The following RAPGEF5 variants were observed in gnomAD, a reference collection of about 807,000 sequenced individuals.
RAPGEF5 encodes Rap guanine nucleotide exchange factor 5.
Under a neutral mutation model 125.2 loss-of-function variants are expected in RAPGEF5, and 65 were observed. The observed-to-expected ratio is 0.52, with a 90% CI of 0.43 to 0.64. The LOEUF is 0.64. Ranked by LOEUF, RAPGEF5 falls within the 30% of genes least tolerant of loss-of-function variation. RAPGEF5 has a pLI of 0.00. For missense variants in RAPGEF5, 958 were observed against 1,048.1 expected, an observed-to-expected ratio of 0.91 and a Z score of 1.19; for synonymous variants, 391 against 385.9, an observed-to-expected ratio of 1.01 and a Z score of -0.16.
At chr7:22,242,895 C>A (rs1786372166) in intron 7 of RAPGEF5, among the ~76,000 whole-genome samples, 1 of 137,812 alleles carries the variant, frequency 7.3e-6, no homozygotes, top group African/African-American at 2.7e-5. Flanking sequence ...TGCGGTGAGC[C>A]AAGATCACGC....
chr7:22,197,892 T>TTGGG (rs1562757040), intron 9 of RAPGEF5, among the ~76,000 whole-genome samples: 2 of 17,744 alleles, frequency 1.1e-4, no homozygotes, highest in African/African-American at 7.2e-4. Flanking sequence ...TTCTTTTTTT[T>TTGGG]TGGGGGGGGG....
At chr7:22,246,520 G>A (rs1437124151) in intron 7 of RAPGEF5, among the ~76,000 whole-genome samples, 1 of 152,206 alleles carries the variant, frequency 6.6e-6, no homozygotes, top group East Asian at 1.9e-4. Flanking sequence ...TAACTGCCTA[G>A]CCAATATACA....
At chr7:22,131,850 G>C (rs1157677776) in intron 23 of RAPGEF5, among the ~76,000 whole-genome samples, 1 of 152,140 alleles carries the variant, frequency 6.6e-6, no homozygotes, top group Admixed American at 6.5e-5. Context: ...GCCTCCTCAA[G>C]ACATATAGAT....
chr7:22,247,303 C>T, intron 7 of RAPGEF5, among the ~76,000 whole-genome samples: 1 of 152,156 alleles, frequency 6.6e-6, no homozygotes, highest in East Asian at 1.9e-4. Flanking sequence ...GCAGTATTCA[C>T]AATAGCAAAG....
rs369807939 is a variant in RAPGEF5, at chr7:22,146,933, C to T, written c.1971G>A (p.Met657Ile). 30 of 1,613,548 alleles carry T rather than the reference C, an allele frequency of 1.9e-5. No individual in the cohort carries two copies. The highest frequency in any genetic ancestry group is 2.5e-5 in the Non-Finnish European group (29 of 1,179,746). Residue 657 changes from methionine to isoleucine, a missense_variant, in exon 19 of 26, where the codon ATG becomes ATA. Transcript: ENST00000665637. ...AATTGAATAGACTCCAATCAAAATTCATTAATTCCAGAGCAAGATCCCAAG... is the reference window on the plus strand; with the variant it reads ...AATTGAATAGACTCCAATCAAAATTTATTAATTCCAGAGCAAGATCCCAAG... ...MNTWDLALEL[M>I]NFDWSLFNSI...
chr7:22,280,190 T>A (rs372376859), intron 6 of RAPGEF5, among the ~76,000 whole-genome samples: 39 of 152,082 alleles, frequency 2.6e-4, no homozygotes, highest in African/African-American at 8.9e-4. Context: ...AATGGCCTCA[T>A]ACAGGAAAAA....
intron 7 of RAPGEF5, among the ~76,000 whole-genome samples, chr7:22,251,625 C>T (rs1172263322): frequency 6.6e-6 from 1 of 152,056 alleles, no homozygotes; most frequent in Non-Finnish European, 1.5e-5. Flanking sequence ...GCCCTGATTG[C>T]ACTGCTGACT....
chr7:22,343,723 T>C (rs181807336), intron 1 of RAPGEF5, among the ~76,000 whole-genome samples: 181 of 152,280 alleles, frequency 1.2e-3, no homozygotes, highest in African/African-American at 4.1e-3. Context: ...CTGGAACCTA[T>C]GGGCAAAGGA....
At chr7:22,328,937 G>A (rs1011277621) in intron 1 of RAPGEF5, among the ~76,000 whole-genome samples, 2 of 152,208 alleles carry the variant, frequency 1.3e-5, no homozygotes, top group African/African-American at 2.4e-5. Flanking sequence ...CTTACTGGAT[G>A]TATTTTTGCC....
intron 9 of RAPGEF5, among the ~76,000 whole-genome samples, chr7:22,199,531 G>GAAAA (rs35024654): frequency 1.6e-5 from 1 of 62,830 alleles, no homozygotes; most frequent in Non-Finnish European, 2.8e-5. Flanking sequence ...CCTTAAAATT[G>GAAAA]AAAAAAAAAA....
chr7:22,188,321 A>C (rs1354899432), intron 11 of RAPGEF5, among the ~76,000 whole-genome samples: 2 of 152,234 alleles, frequency 1.3e-5, no homozygotes, highest in Admixed American at 1.3e-4. Context: ...GGGAAGAAGA[A>C]AGATATTCTT....
rs188637755 is a variant in RAPGEF5 at position 22,330,751 on chromosome 7, A to G, written c.232-12714T>C. On this transcript the variant is annotated intron_variant, in intron 1 of 25. Transcript: ENST00000665637. ...ATGTCTATACGCAACCAGGTTCTAT[A>G]TCAGCTTCAGAAACAGGAGTGTGAT... Among the ~76,000 whole-genome samples the G allele has an allele frequency of 1.3e-5, 2 of 152,308 alleles. 1 individual carries two copies. The highest frequency in any genetic ancestry group is 4.8e-5 in the African/African-American group (2 of 41,570).
intron 3 of RAPGEF5, among the ~76,000 whole-genome samples, chr7:22,315,118 AG>A (rs1371889455): frequency 6.6e-6 from 1 of 152,200 alleles, no homozygotes; most frequent in East Asian, 1.9e-4. Flanking sequence ...AGCAGAGCAG[AG>A]ACTCTCTCAG....
intron 11 of RAPGEF5, among the ~76,000 whole-genome samples, chr7:22,177,604 A>C (rs1784548788): frequency 6.6e-6 from 1 of 152,210 alleles, no homozygotes; most frequent in African/African-American, 2.4e-5. Flanking sequence ...TCACGGAATC[A>C]CCACCCAACA....
At chr7:22,188,326 A>G (rs73079702) in intron 11 of RAPGEF5, among the ~76,000 whole-genome samples, 10 of 152,348 alleles carry the variant, frequency 6.6e-5, no homozygotes, top group Non-Finnish European at 1.5e-4. Flanking sequence ...GAAGAAAGAT[A>G]TTCTTAATTT....
At chr7:22,225,510 C>A (rs908134141) in intron 8 of RAPGEF5, among the ~76,000 whole-genome samples, 1 of 152,050 alleles carries the variant, frequency 6.6e-6, no homozygotes, top group Non-Finnish European at 1.5e-5. Context: ...CCCATATATC[C>A]CAGATGATTT....
chr7:22,256,700 T>G (rs759178313), intron 7 of RAPGEF5, among the ~76,000 whole-genome samples: 4 of 152,158 alleles, frequency 2.6e-5, no homozygotes, highest in Non-Finnish European at 5.9e-5. Context: ...TGGCACAAAT[T>G]TCATATGATC....
At chr7:22,233,667 A>G (rs1319133861) in intron 7 of RAPGEF5, among the ~76,000 whole-genome samples, 1 of 152,146 alleles carries the variant, frequency 6.6e-6, no homozygotes, top group Non-Finnish European at 1.5e-5. Context: ...CAAAATGCTG[A>G]AATTACAGGT....
At chr7:22,172,577 A>C (rs77687105) in intron 11 of RAPGEF5, among the ~76,000 whole-genome samples, 10,703 of 152,266 alleles carry the variant, frequency 0.07, 448 homozygotes, top group Middle Eastern at 0.13. Flanking sequence ...TCTGCAAAAC[A>C]CAAGTATCCC....
Sources: allele counts gnomAD v4.1 joint callset (sites outside exome capture counted in the v4.1 genomes callset), GRCh38; gene constraint gnomAD v4.1.1; transcripts MANE v1.5; gene names NCBI Gene and HGNC (gene_info 2026-07-23, HGNC 2026-07-21).